Variants in WDR5B observed in about 807,000 individuals in gnomAD.
The protein encoded by WDR5B is WD repeat domain 5B, also known as WD repeat-containing protein 5B.
In WDR5B, 17 loss-of-function variants were observed where a neutral mutation model predicts 24.0. The ratio of observed to expected loss-of-function variants is 0.71; its 90% CI spans 0.49 to 1.06. WDR5B has a LOEUF of 1.06. Among genes scored for constraint, WDR5B ranks in the 50% least tolerant of loss-of-function variants. The probability of loss-of-function intolerance (pLI) is 0.00; values close to 1 mark genes in which losing one functional copy is unlikely to be tolerated. For synonymous variants in WDR5B, 150 were observed against 146.4 expected, an observed-to-expected ratio of 1.02 and a Z score of -0.18; for missense variants, 368 against 384.1, an observed-to-expected ratio of 0.96 and a Z score of 0.35.
chr3:122,415,012 C>T lies in WDR5B; in HGVS notation c.517G>A (p.Val173Ile). 6.2e-7 allele frequency: 1 copy of T among 1,614,172 alleles called. No individual in the cohort carries two copies. Among genetic ancestry groups the T allele is most frequent in the Non-Finnish European group, 8.5e-7 (1 of 1,180,032 alleles). Reference sequence around the variant, plus strand: ...AAGGACCCACTACAATTAAAATGAACAGCAGAAACTGGGTCAGAATGAGCA... The same window carrying T: ...AAGGACCCACTACAATTAAAATGAATAGCAGAAACTGGGTCAGAATGAGCA... ...LSAHSDPVSA[V>I]HFNCSGSLIV... The change falls in exon 1 of 1, where the codon GTT becomes ATT. Residue 173 changes from valine to isoleucine, a missense_variant. Val to Ile is a conservative substitution (Grantham distance 29). Transcript: ENST00000330689.
At position 122,415,522 on chromosome 3, in the gene WDR5B, T is replaced by G; in HGVS notation, c.7A>C (p.Thr3Pro). MATKESRDAKAQL... is the reference protein window; with the variant it reads MAPKESRDAKAQL... Reference sequence around the variant, plus strand: ...GCTTTGGCGTCTCTTGACTCCTTGGTTGCCATGGCTCTGAAGCTCCAAGTT... The same window carrying G: ...GCTTTGGCGTCTCTTGACTCCTTGGGTGCCATGGCTCTGAAGCTCCAAGTT... Residue 3 changes from threonine to proline, a missense_variant, in exon 1 of 1, where the codon ACC becomes CCC. By Grantham distance (38) the Thr-to-Pro change is conservative. Transcript: ENST00000330689. The G allele has an allele frequency of 6.2e-7, 1 of 1,609,744 alleles. No homozygotes were observed. The highest frequency in any genetic ancestry group is 8.5e-7 in the Non-Finnish European group (1 of 1,177,526).
At position 122,414,494 on chromosome 3, in the gene WDR5B, T is replaced by G. The variant is rs746215636; in HGVS notation, c.*42A>C. The G allele has an allele frequency of 3.9e-6, 6 of 1,543,684 alleles. No homozygotes were observed. The African/African-American group carries it at 8.3e-5, about 21-fold the overall frequency. ...GAAACCGTCTTTTTAAATATCCAAG[T>G]TTTTTGGCCAACTTGGCTCTACTAC... On this transcript the variant is annotated 3_prime_UTR_variant, in exon 1 of 1. Transcript: ENST00000330689.
In WDR5B at chr3:122,415,817, C is replaced by T. The variant is rs949374324; in HGVS notation, c.-289G>A. 1.7e-4 allele frequency: 62 copies of T among 356,420 alleles called. No individual in the cohort carries two copies. Among genetic ancestry groups the T allele is most frequent in the African/African-American group, 1.3e-3 (62 of 47,130 alleles). The allele number at this position is 356,420 out of a possible 1,614,324, so 22.1% of individuals were successfully genotyped here. A position where few individuals can be genotyped will look rare whatever the true frequency, so the allele number is the denominator to read the frequency against. On this transcript the variant is annotated 5_prime_UTR_variant, in exon 1 of 1. An upstream start codon of the reference 5' UTR is lost. Transcript: ENST00000330689. ...ACAAATGTTCGGCATTCCGTTAATA[C>T]ATAAAGCCTTCAAAGCAGGGGCGAC... is the stretch of plus-strand genomic sequence containing the variant.
Position 122,414,017 on chromosome 3 carries a change from CA to C in WDR5B, c.*518del, listed in dbSNP as rs975276454. ...TACACACCACAGAATACTACTCAGC[CA>C]AAAAAAAATAATGAAATCTTATCTT... is the stretch of plus-strand genomic sequence containing the variant. On this transcript the variant is annotated 3_prime_UTR_variant, in exon 1 of 1. Transcript: ENST00000330689. 3.2e-4 allele frequency: 50 copies of C among 157,968 alleles called. No individual in the cohort carries two copies. Among genetic ancestry groups the C allele is most frequent in the South Asian group, 1.0e-3 (6 of 5,790 alleles). 9.8% of individuals were successfully genotyped at this position (157,968 alleles called of 1,614,324 possible). A position where few individuals can be genotyped will look rare whatever the true frequency, so the allele number is the denominator to read the frequency against.
Position 122,414,594 on chromosome 3 carries a change from A to G in WDR5B, c.935T>C (p.Ile312Thr). Residue 312 changes from isoleucine (I) to threonine (T), a missense_variant, in exon 1 of 1, where the codon ATC becomes ACC. Ile to Thr is a moderately conservative substitution (Grantham distance 89). Transcript: ENST00000330689. ...GTCATTTTCTAATGCTGCTGATGCGATGAGGTTTTCTGTAGGATGACAAGC... is the reference window on the plus strand; with the variant it reads ...GTCATTTTCTAATGCTGCTGATGCGGTGAGGTTTTCTGTAGGATGACAAGC... ...SAACHPTENL[I>T]ASAALENDKT... The G allele has an allele frequency of 1.2e-6, 2 of 1,614,158 alleles. No individual in the cohort carries two copies. Among genetic ancestry groups the G allele is most frequent in the Non-Finnish European group, 1.7e-6 (2 of 1,180,040 alleles).
chr3:122,415,140 CA>C lies in WDR5B; in HGVS notation c.388del (p.Cys130ValfsTer11), dbSNP rs752941057. 6.2e-7 allele frequency: 1 copy of C among 1,614,172 alleles called. No individual in the cohort carries two copies. Among genetic ancestry groups the C allele is most frequent in the East Asian group, 2.2e-5 (1 of 44,886 alleles). ...TLKGHSNYVFCCNFNPPSNLI... is the reference protein window; with the variant it reads ...TLKGHSNYVFXCNFNPPSNLI... ...GTTGGATGGCGGATTGAAGTTACAACAAAAGACATAATTACTGTGCCCCTTC... is the reference window on the plus strand; with the variant it reads ...GTTGGATGGCGGATTGAAGTTACAACAAAGACATAATTACTGTGCCCCTTC... On this transcript the variant is annotated frameshift_variant, in exon 1 of 1. Transcript: ENST00000330689. LOFTEE classifies it high-confidence loss of function.
rs947924072 is a variant in WDR5B at position 122,412,541 on chromosome 3, A to G, written c.*1995T>C. On this transcript the variant is annotated 3_prime_UTR_variant, in exon 1 of 1. Transcript: ENST00000330689. ...ATAATCTGGAAGCACAGCCCATGAA[A>G]GCATTTCAGTACAAACTGGTAAATA... is the stretch of plus-strand genomic sequence containing the variant. 2.6e-5 allele frequency: 4 copies of G among 152,212 alleles called. No individual in the cohort carries two copies. The highest frequency in any genetic ancestry group is 9.7e-5 in the African/African-American group (4 of 41,448). 9.4% of individuals were successfully genotyped at this position (152,212 alleles called of 1,614,324 possible). A position where few individuals can be genotyped will look rare whatever the true frequency, so the allele number is the denominator to read the frequency against.
chr3:122,414,316 T>C lies in WDR5B; in HGVS notation c.*220A>G. 9.6e-6 allele frequency: 6 copies of C among 626,168 alleles called. No individual in the cohort carries two copies. Among genetic ancestry groups the C allele is most frequent in the Non-Finnish European group, 1.6e-5 (6 of 373,994 alleles). The allele number at this position is 626,168 out of a possible 1,614,324, so 38.8% of individuals were successfully genotyped here. A position where few individuals can be genotyped will look rare whatever the true frequency, so the allele number is the denominator to read the frequency against. On this transcript the variant is annotated 3_prime_UTR_variant, in exon 1 of 1. Transcript: ENST00000330689. Reference sequence around the variant, plus strand: ...CTGTAATAAAAGTGACATAAATCCATAAAAATTACAAAAAGTTGCTCAAAA... The same window carrying C: ...CTGTAATAAAAGTGACATAAATCCACAAAAATTACAAAAAGTTGCTCAAAA...
chr3:122,414,706 C>T lies in WDR5B; in HGVS notation c.823G>A (p.Glu275Lys). ...TGGKWIVSGSEDNLVYIWNLQ... is the reference protein window; with the variant it reads ...TGGKWIVSGSKDNLVYIWNLQ... ...TTCCAAATGTAAACCAGGTTATCCT[C>T]GGAACCAGACACAATCCACTTTCCA... is the stretch of plus-strand genomic sequence containing the variant. Residue 275 changes from glutamate (E) to lysine (K), a missense_variant, in exon 1 of 1, where the codon GAG (glutamate) becomes AAG (lysine). Transcript: ENST00000330689. 1 of 1,614,196 alleles carries T rather than the reference C, an allele frequency of 6.2e-7. No homozygotes were observed. Among genetic ancestry groups the T allele is most frequent in the African/African-American group, 1.3e-5 (1 of 75,052 alleles).
Position 122,415,627 on chromosome 3 carries a change from C to T in WDR5B, c.-99G>A. 1 of 1,435,580 alleles carries T rather than the reference C, an allele frequency of 7.0e-7. No individual in the cohort carries two copies. The highest frequency in any genetic ancestry group is 9.4e-7 in the Non-Finnish European group (1 of 1,065,206). The allele number at this position is 1,435,580 out of a possible 1,614,324, so 88.9% of individuals were successfully genotyped here. A position where few individuals can be genotyped will look rare whatever the true frequency, so the allele number is the denominator to read the frequency against. Reference sequence around the variant, plus strand: ...CTGCCCAGCAAAATGAAGATAAACGCACAGGATTTTAAAATGTACAGTTTT... The same window carrying T: ...CTGCCCAGCAAAATGAAGATAAACGTACAGGATTTTAAAATGTACAGTTTT... On this transcript the variant is annotated 5_prime_UTR_variant, in exon 1 of 1. Coordinates refer to ENST00000330689, the MANE Select transcript of WDR5B (RefSeq NM_019069.4).
chr3:122,415,177 A>G lies in WDR5B; in HGVS notation c.352T>C (p.Leu118=), dbSNP rs77853483. The part of the protein sequence containing the change: ...KLWDVRSGKC[L]KTLKGHSNYV... ...TTACTGTGCCCCTTCAGTGTTTTCA[A>G]ACATTTTCCAGATCTCACATCCCAT... The change falls in exon 1 of 1, where the codon TTG becomes CTG. Residue 118 remains leucine, a synonymous_variant. Transcript: ENST00000330689. 149 of 1,614,244 alleles carry G rather than the reference A, an allele frequency of 9.2e-5. No individual in the cohort carries two copies. In the East Asian group the frequency reaches 3.1e-3, roughly 33 times the overall value.
rs1000063567 is a variant in WDR5B at position 122,413,227 on chromosome 3, T to G, written c.*1309A>C. 2 of 152,308 alleles carry G rather than the reference T, an allele frequency of 1.3e-5. No individual in the cohort carries two copies. Among genetic ancestry groups the G allele is most frequent in the African/African-American group, 4.8e-5 (2 of 41,534 alleles). 9.4% of individuals were successfully genotyped at this position (152,308 alleles called of 1,614,324 possible). A position where few individuals can be genotyped will look rare whatever the true frequency, so the allele number is the denominator to read the frequency against. On this transcript the variant is annotated 3_prime_UTR_variant, in exon 1 of 1. Transcript: ENST00000330689. ...TGGCCAACAAACACACACAAAAAAA[T>G]GCTCAACATCACTAATCATCAGAGG...
chr3:122,415,097 A>G lies in WDR5B; in HGVS notation c.432T>C (p.Ser144=). Residue 144 remains serine (S), a synonymous_variant, in exon 1 of 1, where the codon TCT becomes TCC. Coordinates refer to ENST00000330689, the MANE Select transcript of WDR5B (RefSeq NM_019069.4). ...CCCATATTTTTACAGTCTCATCAAAAGATCCCGAGATTATAAGGTTGGATG... is the reference window on the plus strand; with the variant it reads ...CCCATATTTTTACAGTCTCATCAAAGGATCCCGAGATTATAAGGTTGGATG... ...NPPSNLIISG[S]FDETVKIWEV... The G allele has an allele frequency of 6.2e-7, 1 of 1,614,216 alleles. No homozygotes were observed. The highest frequency in any genetic ancestry group is 8.5e-7 in the Non-Finnish European group (1 of 1,180,048).
chr3:122,415,295 T>A lies in WDR5B; in HGVS notation c.234A>T (p.Thr78=). 6.2e-7 allele frequency: 1 copy of A among 1,613,962 alleles called. No homozygotes were observed. Among genetic ancestry groups the A allele is most frequent in the Non-Finnish European group, 8.5e-7 (1 of 1,179,986 alleles). The change falls in exon 1 of 1, where the codon ACA becomes ACT. Residue 78 remains threonine (T), a synonymous_variant. Transcript: ENST00000330689. The part of the protein sequence containing the change: ...WGAYDGKYEK[T]LYGHNLEISD... ...ATATTTCCAAATTATGACCATAGAG[T>A]GTTTTCTCATATTTTCCATCATATG...
In WDR5B at chr3:122,413,112, G is replaced by A. The variant is rs764037330; in HGVS notation, c.*1424C>T. Reference sequence around the variant, plus strand: ...ACACTGATCCTCTAGGATAGTCACTGAGAGGAATGAGAAATTGTCCAGTGA... The same window carrying A: ...ACACTGATCCTCTAGGATAGTCACTAAGAGGAATGAGAAATTGTCCAGTGA... On this transcript the variant is annotated 3_prime_UTR_variant, in exon 1 of 1. Coordinates refer to ENST00000330689, the MANE Select transcript of WDR5B (RefSeq NM_019069.4). 1.3e-5 allele frequency: 2 copies of A among 152,200 alleles called. No homozygotes were observed. The highest frequency in any genetic ancestry group is 2.9e-5 in the Non-Finnish European group (2 of 68,046). The allele number at this position is 152,200 out of a possible 1,614,324, so 9.4% of individuals were successfully genotyped here. A position where few individuals can be genotyped will look rare whatever the true frequency, so the allele number is the denominator to read the frequency against.
rs764444789 is a variant in WDR5B at position 122,414,785 on chromosome 3, G to A, written c.744C>T (p.Tyr248=). 1.2e-6 allele frequency: 2 copies of A among 1,614,062 alleles called. No individual in the cohort carries two copies. The highest frequency in any genetic ancestry group is 2.7e-5 in the African/African-American group (2 of 74,940). ...AATATTTCTCATTCTTATGACCAGT[G>A]TATGTTTTCAGGCACCTGCCTCTGC... is the stretch of plus-strand genomic sequence containing the variant. The part of the protein sequence containing the change: ...DYSRGRCLKT[Y]TGHKNEKYCI... Residue 248 remains tyrosine (Y), a synonymous_variant, in exon 1 of 1, where the codon TAC becomes TAT. Coordinates refer to ENST00000330689, the MANE Select transcript of WDR5B (RefSeq NM_019069.4).
At position 122,413,239 on chromosome 3, in the gene WDR5B, C is replaced by G. The variant is rs1183658559; in HGVS notation, c.*1297G>C. 1 of 152,214 alleles carries G rather than the reference C, an allele frequency of 6.6e-6. No individual in the cohort carries two copies. The highest frequency in any genetic ancestry group is 6.5e-5 in the Admixed American group (1 of 15,284). 9.4% of individuals were successfully genotyped at this position (152,214 alleles called of 1,614,324 possible). A position where few individuals can be genotyped will look rare whatever the true frequency, so the allele number is the denominator to read the frequency against. On this transcript the variant is annotated 3_prime_UTR_variant, in exon 1 of 1. Transcript: ENST00000330689. ...ACACACAAAAAAATGCTCAACATCA[C>G]TAATCATCAGAGGAATACAAAATAT...
chr3:122,414,758 G>A lies in WDR5B; in HGVS notation c.771C>T (p.Cys257=). 6.2e-7 allele frequency: 1 copy of A among 1,614,130 alleles called. No homozygotes were observed. Among genetic ancestry groups the A allele is most frequent in the Non-Finnish European group, 8.5e-7 (1 of 1,180,024 alleles). The change falls in exon 1 of 1, where the codon TGC becomes TGT. Residue 257 remains cysteine, a synonymous_variant. Coordinates refer to ENST00000330689, the MANE Select transcript of WDR5B (RefSeq NM_019069.4). ...CAGTAACTGAAAAATTGGCAAATAT[G>A]CAATATTTCTCATTCTTATGACCAG... ...TYTGHKNEKY[C]IFANFSVTGG... is the part of the protein sequence containing the mutation.
chr3:122,411,889 A>C lies in WDR5B; in HGVS notation c.*2647T>G, dbSNP rs1396640668. Reference sequence around the variant, plus strand: ...TATTACAAATATTACATTAAACTAAAGCTCACAACTGTTATTATGCATCAG... The same window carrying C: ...TATTACAAATATTACATTAAACTAACGCTCACAACTGTTATTATGCATCAG... On this transcript the variant is annotated 3_prime_UTR_variant, in exon 1 of 1. Coordinates refer to ENST00000330689, the MANE Select transcript of WDR5B (RefSeq NM_019069.4). 2 of 152,180 alleles carry C rather than the reference A, an allele frequency of 1.3e-5. No homozygotes were observed. The highest frequency in any genetic ancestry group is 2.9e-5 in the Non-Finnish European group (2 of 68,036). 9.4% of individuals were successfully genotyped at this position (152,180 alleles called of 1,614,324 possible). A position where few individuals can be genotyped will look rare whatever the true frequency, so the allele number is the denominator to read the frequency against.
Sources: gnomAD v4.1 joint callset for allele counts on GRCh38, gnomAD v4.1.1 for gene constraint, MANE v1.5 for transcripts, NCBI Gene and HGNC (gene_info 2026-07-23, HGNC 2026-07-21) for gene names.